The following RAB7A variants were observed in gnomAD, a reference collection of about 807,000 sequenced individuals.
RAB7A encodes ras-related protein Rab-7a.
RAB7A carries 2 observed loss-of-function variants against 24.5 expected under a neutral mutation model. The observed-to-expected ratio is 0.08, with a 90% CI of 0.03 to 0.26. The LOEUF (loss-of-function observed/expected upper bound fraction) is 0.26. Among genes scored for constraint, RAB7A ranks in the 10% least tolerant of loss-of-function variants. The pLI is 1.00. For synonymous variants in RAB7A, 100 were observed against 95.9 expected, an observed-to-expected ratio of 1.04 and a Z score of -0.25; for missense variants, 118 against 255.7, an observed-to-expected ratio of 0.46 and a Z score of 3.67.
intron 2 of RAB7A, among the ~76,000 whole-genome samples, chr3:128,795,683 A>T (rs541498717): frequency 6.7e-6 from 1 of 150,200 alleles, no homozygotes; most frequent in Non-Finnish European, 1.5e-5. Context: ...CTTTTCTCCA[A>T]GCTGGCCAGG....
chr3:128,761,695 C>A (rs961294057), intron 1 of RAB7A, among the ~76,000 whole-genome samples: 1 of 152,228 alleles, frequency 6.6e-6, no homozygotes, highest in African/African-American at 2.4e-5. Context: ...AGGCACCTCT[C>A]CTCTAGAGCA....
At chr3:128,812,663 C>T (rs1478471353) in intron 5 of RAB7A, among the ~76,000 whole-genome samples, 1 of 152,186 alleles carries the variant, frequency 6.6e-6, no homozygotes, top group East Asian at 1.9e-4. Context: ...ACTAAAATGA[C>T]CATAGTCCAT....
chr3:128,773,227 C>G (rs1932995786), intron 1 of RAB7A, among the ~76,000 whole-genome samples: 1 of 151,074 alleles, frequency 6.6e-6, no homozygotes, highest in Non-Finnish European at 1.5e-5. Flanking sequence ...ATATGAGGAG[C>G]CCCTCCGCCC....
intron 1 of RAB7A, among the ~76,000 whole-genome samples, chr3:128,763,558 T>G (rs1357544338): frequency 6.6e-6 from 1 of 152,140 alleles, no homozygotes; most frequent in African/African-American, 2.4e-5. Context: ...TTAGGAACCT[T>G]TTAATGTCTG....
chr3:128,729,530 G>A (rs886587679), intron 1 of RAB7A, among the ~76,000 whole-genome samples: 5 of 148,118 alleles, frequency 3.4e-5, no homozygotes, highest in Middle Eastern at 3.4e-3. Context: ...AGATCATGCC[G>A]CTGCACTCCA....
intron 5 of RAB7A, among the ~76,000 whole-genome samples, chr3:128,809,815 G>GT (rs150834356): frequency 0.041 from 6,289 of 151,954 alleles, 176 homozygotes; most frequent in Non-Finnish European, 0.058. Context: ...CTAAATGCTC[G>GT]TATGTGCTGG....
intron 1 of RAB7A, among the ~76,000 whole-genome samples, chr3:128,743,821 G>A (rs150222042): frequency 0.013 from 1,805 of 142,772 alleles, 34 homozygotes; most frequent in African/African-American, 0.043. Context: ...AGACAGTCTC[G>A]CTCTGTCTCC....
At chr3:128,764,442 G>A (rs1324190695) in intron 1 of RAB7A, 5 of 753,844 alleles carry the variant, frequency 6.6e-6, no homozygotes, top group Middle Eastern at 3.6e-4. Context: ...TCGCCCCATG[G>A]CTATGGGGAA....
chr3:128,798,516 A>G (rs561548373), intron 3 of RAB7A: 9 of 180,212 alleles, frequency 5.0e-5, no homozygotes, highest in East Asian at 4.6e-4. Flanking sequence ...TTGTGTGTCT[A>G]TTGAGCCAAT....
chr3:128,762,971 C>T (rs1018744780), intron 1 of RAB7A, among the ~76,000 whole-genome samples: 13 of 151,994 alleles, frequency 8.6e-5, no homozygotes, highest in Admixed American at 3.9e-4. Flanking sequence ...GATACTTCAC[C>T]TGTAAATGCT....
intron 1 of RAB7A, among the ~76,000 whole-genome samples, chr3:128,741,947 G>A (rs1462803721): frequency 2.6e-5 from 4 of 152,082 alleles, no homozygotes; most frequent in Non-Finnish European, 4.4e-5. Context: ...TCAGCCTTCT[G>A]AGTAGCTAGT....
At chr3:128,765,036 G>T in intron 1 of RAB7A, 1 of 1,361,324 alleles carries the variant, frequency 7.3e-7, no homozygotes, top group Non-Finnish European at 1.0e-6. Context: ...CTAAGGAGAG[G>T]TGGCGGCGGT....
intron 1 of RAB7A, among the ~76,000 whole-genome samples, chr3:128,759,023 A>G (rs1246503799): frequency 6.7e-6 from 1 of 149,976 alleles, no homozygotes. Context: ...GTGATCTTCA[A>G]CTTACAGCCC....
chr3:128,810,029 A>C (rs1200012314), intron 5 of RAB7A, among the ~76,000 whole-genome samples: 1 of 131,576 alleles, frequency 7.6e-6, no homozygotes, highest in Non-Finnish European at 1.5e-5. Flanking sequence ...GCTCACTGCA[A>C]CCTCCGCCTC....
intron 1 of RAB7A, among the ~76,000 whole-genome samples, chr3:128,756,179 T>G (rs2107593799): frequency 6.6e-6 from 1 of 151,972 alleles, no homozygotes; most frequent in South Asian, 2.1e-4. Flanking sequence ...CTACTAAAAA[T>G]ACAAAAATTA....
chr3:128,795,209 T>C, intron 1 of RAB7A, 151 bp from the exon 2 acceptor site: 5 of 724,540 alleles, frequency 6.9e-6, no homozygotes, highest in Non-Finnish European at 1.0e-5. Context: ...TGATACTGTT[T>C]TTTATCAGTG....
At chr3:128,756,453 TTAGG>T (rs967195238) in intron 1 of RAB7A, among the ~76,000 whole-genome samples, 1 of 151,652 alleles carries the variant, frequency 6.6e-6, no homozygotes, top group East Asian at 1.9e-4. Context: ...AAATAGTAAA[TTAGG>T]TAGGAGAAAG....
chr3:128,763,183 T>C (rs1415719889), intron 1 of RAB7A, among the ~76,000 whole-genome samples: 1 of 140,538 alleles, frequency 7.1e-6, no homozygotes, highest in Admixed American at 7.2e-5. Context: ...TTGAGTACAT[T>C]TAGCTTATAT....
At chr3:128,740,636 C>G (rs753909076) in intron 1 of RAB7A, among the ~76,000 whole-genome samples, 1 of 151,866 alleles carries the variant, frequency 6.6e-6, no homozygotes, top group African/African-American at 2.4e-5. Flanking sequence ...TCACTCATGC[C>G]TGTAATGCCA....
Sources: gnomAD v4.1 joint callset for allele counts (sites outside exome capture counted in the v4.1 genomes callset) on GRCh38, gnomAD v4.1.1 for gene constraint, MANE v1.5 for transcripts, NCBI Gene and HGNC (gene_info 2026-07-23, HGNC 2026-07-21) for gene names.